Variants in RIMBP2 observed in about 807,000 individuals in gnomAD.
RIMBP2 encodes the protein RIMS binding protein 2.
In RIMBP2, 48 loss-of-function variants were observed where a neutral mutation model predicts 118.6. The ratio of observed to expected loss-of-function variants is 0.40; its 90% CI spans 0.32 to 0.51. The LOEUF (loss-of-function observed/expected upper bound fraction) is 0.51. Among genes scored for constraint, RIMBP2 ranks in the 20% least tolerant of loss-of-function variants. The probability of loss-of-function intolerance (pLI) is 0.41; values close to 1 mark genes in which losing one functional copy is unlikely to be tolerated. For missense variants in RIMBP2, 1,551 were observed against 1,768.3 expected (o/e 0.88, Z 2.20); for synonymous variants, 762 against 742.9 (o/e 1.03, Z -0.42).
chr12:130,438,291 T>C, intron 12 of RIMBP2, 74 bp downstream of exon 12: 2 of 1,552,028 alleles, frequency 1.3e-6, no homozygotes, highest in South Asian at 1.2e-5. Flanking sequence ...CCTCCTCCAC[T>C]GAGCAAATAC....
intron 2 of RIMBP2, among the ~76,000 whole-genome samples, chr12:130,616,265 T>G (rs1211110495): frequency 6.6e-6 from 1 of 151,958 alleles, no homozygotes; most frequent in Non-Finnish European, 1.5e-5. Flanking sequence ...TCCTCTCCTT[T>G]CTGTACCCCC....
In RIMBP2 at chr12:130,434,953, C is replaced by A; in HGVS notation, c.2107-73G>T. The A allele has an allele frequency of 6.7e-7, 1 of 1,489,026 alleles. No individual in the cohort carries two copies. Among genetic ancestry groups the A allele is most frequent in the Non-Finnish European group, 9.0e-7 (1 of 1,111,306 alleles). 92.2% of individuals were successfully genotyped at this position (1,489,026 alleles called of 1,614,324 possible). The stretch of plus-strand genomic sequence containing the variant: ...CTACGCTCAGCCCCACCTGCATTCA[C>A]CAAACCTTCAGCCCCTCAGAGCCTG... On this transcript the variant is annotated intron_variant, in intron 13 of 22. Coordinates refer to ENST00000690449, the MANE Select transcript of RIMBP2 (RefSeq NM_001393629.1). This position sits in a 1 kb window ranked among gnomAD's most constrained non-coding sequence, Gnocchi z 5.7.
At chr12:130,499,757 G>C (rs1488820291) in intron 4 of RIMBP2, among the ~76,000 whole-genome samples, 6 of 152,104 alleles carry the variant, frequency 3.9e-5, no homozygotes, top group Non-Finnish European at 7.4e-5. Context: ...GCTCTTCCAT[G>C]ACTATCACTC....
intron 21 of RIMBP2, among the ~76,000 whole-genome samples, chr12:130,400,832 A>C (rs1351441636): frequency 1.3e-5 from 2 of 152,258 alleles, no homozygotes; most frequent in African/African-American, 4.8e-5. Context: ...GCACATGAAA[A>C]GATGCCAGTC....
rs2076676704 is a variant in RIMBP2 at position 130,424,885 on chromosome 12, G to A, written c.2413-27C>T. Reference sequence around the variant, plus strand: ...TTACGGGGTGGTGTGTCAAGAACAGGCGCGGGAAAGAGTGTGTGGTCAGCA... The same window carrying A: ...TTACGGGGTGGTGTGTCAAGAACAGACGCGGGAAAGAGTGTGTGGTCAGCA... On this transcript the variant is annotated intron_variant, in intron 15 of 22. Transcript: ENST00000690449. This position sits in a 1 kb window ranked among gnomAD's most constrained non-coding sequence, Gnocchi z 9.8. The A allele has an allele frequency of 1.7e-6, 2 of 1,206,996 alleles. No homozygotes were observed. 74.8% of individuals were successfully genotyped at this position (1,206,996 alleles called of 1,614,324 possible). A position where few individuals can be genotyped will look rare whatever the true frequency, so the allele number is the denominator to read the frequency against.
At chr12:130,457,377 T>C (rs1016505933) in intron 6 of RIMBP2, among the ~76,000 whole-genome samples, 1 of 152,108 alleles carries the variant, frequency 6.6e-6, no homozygotes, top group African/African-American at 2.4e-5. Context: ...AGGAAAGGGG[T>C]AGCCCAGCAA....
intron 2 of RIMBP2, among the ~76,000 whole-genome samples, chr12:130,618,335 C>G (rs575248051): frequency 6.6e-6 from 1 of 152,178 alleles, no homozygotes; most frequent in Admixed American, 6.5e-5. Flanking sequence ...GTTAATTAAC[C>G]TTTTTTATAG....
At chr12:130,585,095 G>T (rs1458125439) in intron 2 of RIMBP2, among the ~76,000 whole-genome samples, 1 of 152,204 alleles carries the variant, frequency 6.6e-6, no homozygotes, top group South Asian at 2.1e-4. Flanking sequence ...TCGCTCTGTT[G>T]CCCAGGCTGA....
chr12:130,662,208 C>T (rs374464320), intron 1 of RIMBP2, among the ~76,000 whole-genome samples: 51 of 152,242 alleles, frequency 3.3e-4, no homozygotes, highest in Non-Finnish European at 5.9e-4. Flanking sequence ...TGACCCGTCA[C>T]GCTCTGGGGA....
intron 11 of RIMBP2, among the ~76,000 whole-genome samples, chr12:130,440,243 C>T (rs1398731068): frequency 6.6e-6 from 1 of 151,542 alleles, no homozygotes; most frequent in Non-Finnish European, 1.5e-5. Context: ...TAACCCTGGC[C>T]GTACCTGCAC....
chr12:130,424,588 G>A lies in RIMBP2; in HGVS notation c.2683C>T (p.Pro895Ser). 1 of 1,231,952 alleles carries A rather than the reference G, an allele frequency of 8.1e-7. No individual in the cohort carries two copies. Among genetic ancestry groups the A allele is most frequent in the Non-Finnish European group, 1.0e-6 (1 of 987,856 alleles). 76.3% of individuals were successfully genotyped at this position (1,231,952 alleles called of 1,614,324 possible). ...PVKHRGSGAV[P>S]HVEDFLLEDR... ...TCCAGAAGGAAGTCCTCCACGTGGG[G>A]GACGGCCCCCGAGCCCCTGTGCTTC... is the stretch of plus-strand genomic sequence containing the variant. Residue 895 changes from proline to serine, a missense_variant, in exon 16 of 23, where the codon CCC (proline) becomes TCC (serine). Pro to Ser is a moderately conservative substitution (Grantham distance 74, BLOSUM62 -1). Around this residue, in one of 5 missense-constraint regions of RIMBP2, gnomAD observed 1,038 missense variants for 1,125.1 expected, o/e 0.92. Transcript: ENST00000690449. This position sits in a 1 kb window ranked among gnomAD's most constrained non-coding sequence, Gnocchi z 9.8.
At position 130,642,334 on chromosome 12, in the gene RIMBP2, G is replaced by C. The variant is rs188860950; in HGVS notation, c.-351-13878C>G. On this transcript the variant is annotated intron_variant, in intron 1 of 22. Transcript: ENST00000690449. Reference sequence around the variant, plus strand: ...AGTTTTGCTCTCATCACCCAGGCTAGAGTGCAATGGCGCGATCTCAGCTCA... The same window carrying C: ...AGTTTTGCTCTCATCACCCAGGCTACAGTGCAATGGCGCGATCTCAGCTCA... Among the ~76,000 whole-genome samples the C allele has an allele frequency of 9.9e-5, 15 of 152,242 alleles. No homozygotes were observed. In the East Asian group the frequency reaches 2.5e-3, roughly 25 times the overall value.
rs2076598597 is a variant in RIMBP2, at chr12:130,424,063, GAACA to G, written c.3129+75_3129+78del. On this transcript the variant is annotated intron_variant, in intron 16 of 22. Transcript: ENST00000690449. This position sits in a 1 kb window ranked among gnomAD's most constrained non-coding sequence, Gnocchi z 9.8. The stretch of plus-strand genomic sequence containing the variant: ...AGAGAGTCCCCAGGGATGGACACCA[GAACA>G]AACAGAAAACCAGTGAAAGGATGGG... The G allele has an allele frequency of 2.5e-6, 2 of 792,322 alleles. No individual in the cohort carries two copies. Among genetic ancestry groups the G allele is most frequent in the South Asian group, 6.5e-5 (1 of 15,350 alleles). 49.1% of individuals were successfully genotyped at this position (792,322 alleles called of 1,614,324 possible).
In RIMBP2 at chr12:130,456,631, G is replaced by A; in HGVS notation, c.223C>T (p.Leu75=). Residue 75 remains leucine (L), a synonymous_variant, in exon 7 of 23, where the codon CTG becomes TTG. Transcript: ENST00000690449. ...SEQFNLLSRD[L]EKFRQHAGKI... Reference sequence around the variant, plus strand: ...CCAGCGTGCTGCCGGAACTTCTCCAGGTCCCGGGACAGCAGGTTGAACTGC... The same window carrying A: ...CCAGCGTGCTGCCGGAACTTCTCCAAGTCCCGGGACAGCAGGTTGAACTGC... The A allele has an allele frequency of 6.2e-7, 1 of 1,613,594 alleles. No individual in the cohort carries two copies. Among genetic ancestry groups the A allele is most frequent in the Non-Finnish European group, 8.5e-7 (1 of 1,179,792 alleles).
In RIMBP2 at chr12:130,428,352, A is replaced by G; in HGVS notation, c.2254-15T>C. ...CAACAGTGCGGCTGGGGGCCAAGAAAAGGGGCTACTGAGCGGGTGGCTCCT... is the reference window on the plus strand; with the variant it reads ...CAACAGTGCGGCTGGGGGCCAAGAAGAGGGGCTACTGAGCGGGTGGCTCCT... On this transcript the variant is annotated splice_polypyrimidine_tract_variant and intron_variant, in intron 14 of 22. Transcript: ENST00000690449. 6.3e-7 allele frequency: 1 copy of G among 1,597,130 alleles called. No individual in the cohort carries two copies. Among genetic ancestry groups the G allele is most frequent in the Non-Finnish European group, 8.5e-7 (1 of 1,170,926 alleles).
At chr12:130,418,689 C>G (rs2076243660) in intron 17 of RIMBP2, among the ~76,000 whole-genome samples, 3 of 152,194 alleles carry the variant, frequency 2.0e-5, no homozygotes, top group Non-Finnish European at 2.9e-5. Flanking sequence ...AGGTCAGATT[C>G]TAGAGAGAGT....
Position 130,552,242 on chromosome 12 carries a change from G to C in RIMBP2, c.-216-34325C>G, listed in dbSNP as rs571098717. 2.6e-5 allele frequency among the ~76,000 whole-genome samples: 4 copies of C among 152,312 alleles called. No homozygotes were observed. In the South Asian group the frequency reaches 8.3e-4, roughly 32 times the overall value. On this transcript the variant is annotated intron_variant, in intron 2 of 22. Coordinates refer to ENST00000690449, the MANE Select transcript of RIMBP2 (RefSeq NM_001393629.1). ...GAATAATTTTGGTCAGCCAGAGTAG[G>C]GGGTAGAGGGCCGTGGGCAGTGTAT...
chr12:130,626,050 A>T (rs550239800), intron 2 of RIMBP2, among the ~76,000 whole-genome samples: 7 of 152,224 alleles, frequency 4.6e-5, no homozygotes, highest in Non-Finnish European at 1.0e-4. Context: ...ATGAAAATGA[A>T]AGGGTTTTGA....
chr12:130,654,811 A>T (rs2063356837), intron 1 of RIMBP2, among the ~76,000 whole-genome samples: 1 of 152,222 alleles, frequency 6.6e-6, no homozygotes. Flanking sequence ...AGGCCTCAGG[A>T]AGCTTCCAAT....
Sources: gnomAD v4.1 joint callset for allele counts (sites outside exome capture counted in the v4.1 genomes callset) on GRCh38, gnomAD v4.1.1 for gene constraint, gnomAD v4.1.1 regional missense constraint, Gnocchi (gnomAD v3.1) non-coding constraint, MANE v1.5 for transcripts, NCBI Gene and HGNC (gene_info 2026-07-23, HGNC 2026-07-21) for gene names.